COG6: variants seen among roughly 807,000 people sequenced by gnomAD.
The protein encoded by COG6 is conserved oligomeric Golgi complex subunit 6.
In COG6, 74 loss-of-function variants were observed where a neutral mutation model predicts 88.8. That is an observed-to-expected ratio of 0.83 (90% CI 0.69 to 1.01). The LOEUF (loss-of-function observed/expected upper bound fraction) is 1.01, where lower values mean the gene tolerates loss of function less well. Ranked by LOEUF, COG6 falls within the 50% of genes least tolerant of loss-of-function variation. COG6 has a pLI of 0.00. For missense variants in COG6, 800 were observed against 797.9 expected, an observed-to-expected ratio of 1.00 and a Z score of -0.03; for synonymous variants, 286 against 278.7, an observed-to-expected ratio of 1.03 and a Z score of -0.26.
rs1398907999 is a variant in COG6 at position 39,752,219 on chromosome 13, G to A, written c.*1126G>A. The stretch of plus-strand genomic sequence containing the variant: ...CTAAATTACAAATGAGAAAATTGAA[G>A]CACAAGGAAAAAAATAACTAGTTTG... On this transcript the variant is annotated 3_prime_UTR_variant, in exon 19 of 19. Transcript: ENST00000455146. 3 of 1,067,206 alleles carry A rather than the reference G, an allele frequency of 2.8e-6. No individual in the cohort carries two copies. Among genetic ancestry groups the A allele is most frequent in the Admixed American group, 3.7e-5 (1 of 26,680 alleles). The allele number at this position is 1,067,206 out of a possible 1,614,324, so 66.1% of individuals were successfully genotyped here. A position where few individuals can be genotyped will look rare whatever the true frequency, so the allele number is the denominator to read the frequency against.
intron 11 of COG6, among the ~76,000 whole-genome samples, chr13:39,690,691 T>C (rs1202959464): frequency 2.0e-5 from 3 of 151,962 alleles, no homozygotes; most frequent in Non-Finnish European, 2.9e-5. Context: ...GGTATATGCT[T>C]CAGGCAAGGA....
At chr13:39,777,272 G>C (rs546650901) in intron 18 of COG6, among the ~76,000 whole-genome samples, 6 of 152,230 alleles carry the variant, frequency 3.9e-5, no homozygotes, top group South Asian at 2.1e-4. Flanking sequence ...GAGCACAGAG[G>C]GGGGTGTCCA....
chr13:39,753,360 C>T (rs1487175223), downstream of COG6, among the ~76,000 whole-genome samples: 1 of 152,156 alleles, frequency 6.6e-6, no homozygotes, highest in Non-Finnish European at 1.5e-5. Flanking sequence ...TTCGAGCCTC[C>T]AGAACTGGGA....
intron 4 of COG6, among the ~76,000 whole-genome samples, chr13:39,671,388 C>A (rs541322511): frequency 6.6e-6 from 1 of 151,538 alleles, no homozygotes; most frequent in Admixed American, 6.6e-5. Context: ...CCCACCAATA[C>A]AAAAGAGCTT....
chr13:39,695,790 A>G (rs1033498755), intron 12 of COG6, among the ~76,000 whole-genome samples: 1 of 151,962 alleles, frequency 6.6e-6, no homozygotes, highest in Admixed American at 6.6e-5. Context: ...TATTTTAGAT[A>G]TAAACTTGTT....
chr13:39,781,047 C>A (rs761742403), intron 18 of COG6, among the ~76,000 whole-genome samples: 3 of 152,126 alleles, frequency 2.0e-5, no homozygotes, highest in Non-Finnish European at 4.4e-5. Context: ...TCTTTTTTCT[C>A]CAAGAGCCCC....
At chr13:39,767,395 T>C (rs1460685017) in intron 18 of COG6, among the ~76,000 whole-genome samples, 1 of 149,108 alleles carries the variant, frequency 6.7e-6, no homozygotes, top group Non-Finnish European at 1.5e-5. Flanking sequence ...TTTTAGGTTA[T>C]TGTCAGAAAT....
intron 18 of COG6, among the ~76,000 whole-genome samples, chr13:39,730,086 G>A (rs1879352084): frequency 6.6e-6 from 1 of 151,830 alleles, no homozygotes; most frequent in Non-Finnish European, 1.5e-5. Flanking sequence ...TGTAAACTTT[G>A]TTATTTTATT....
At chr13:39,758,993 C>A (rs974942729) in intron 18 of COG6, among the ~76,000 whole-genome samples, 1 of 152,054 alleles carries the variant, frequency 6.6e-6, no homozygotes. Context: ...TAATTTGATT[C>A]TATTTTAATG....
At chr13:39,732,709 G>A (rs1879518066) in intron 18 of COG6, among the ~76,000 whole-genome samples, 1 of 151,788 alleles carries the variant, frequency 6.6e-6, no homozygotes, top group Admixed American at 6.6e-5. Context: ...AGCACAGATA[G>A]AAAAAAAATT....
chr13:39,757,824 C>T (rs1880887455), intron 18 of COG6, among the ~76,000 whole-genome samples: 1 of 152,196 alleles, frequency 6.6e-6, no homozygotes, highest in Non-Finnish European at 1.5e-5. Context: ...GGTGAATTCA[C>T]TGGTGGTTTC....
chr13:39,706,559 A>G (rs1877935507), intron 13 of COG6, among the ~76,000 whole-genome samples: 1 of 152,044 alleles, frequency 6.6e-6, no homozygotes, highest in Non-Finnish European at 1.5e-5. Context: ...GAAGGGATAA[A>G]AAGTAAATAG....
chr13:39,723,368 A>G lies in COG6; in HGVS notation c.1620A>G (p.Gln540=). 3.1e-6 allele frequency: 5 copies of G among 1,611,406 alleles called. No homozygotes were observed. The highest frequency in any genetic ancestry group is 4.2e-6 in the Non-Finnish European group (5 of 1,177,788). ...ATTTGGACACACTTATAAATGAGCA[A>G]GCCTCTTATGTTTTAACTAGGGTAG... The part of the protein sequence containing the change: ...EAHLDTLINE[Q]ASYVLTRVGL... Residue 540 remains glutamine (Q), a synonymous_variant, in exon 16 of 19, where the codon CAA becomes CAG. Coordinates refer to ENST00000455146, the MANE Select transcript of COG6 (RefSeq NM_020751.3).
At position 39,687,543 on chromosome 13, in the gene COG6, G is replaced by C; in HGVS notation, c.829G>C (p.Val277Leu). The change falls in exon 9 of 19, where the codon GTT (valine) becomes CTT (leucine). Residue 277 changes from valine to leucine, a missense_variant. Physicochemically the swap from Val to Leu is conservative, Grantham distance 32 (BLOSUM62 1). Coordinates refer to ENST00000455146, the MANE Select transcript of COG6 (RefSeq NM_020751.3). Reference sequence around the variant, plus strand: ...ATTTGGAACAGCCAGAAGAAGTACAGTTGTTCGTGGATTTATTGATGCGCT... The same window carrying C: ...ATTTGGAACAGCCAGAAGAAGTACACTTGTTCGTGGATTTATTGATGCGCT... ...DEFGTARRST[V>L]VRGFIDALTR... 6.2e-7 allele frequency: 1 copy of C among 1,613,308 alleles called. No individual in the cohort carries two copies. Among genetic ancestry groups the C allele is most frequent in the Non-Finnish European group, 8.5e-7 (1 of 1,179,502 alleles).
chr13:39,679,418 T>C, intron 5 of COG6, 120 bp from the exon 6 acceptor site: 1 of 715,326 alleles, frequency 1.4e-6, no homozygotes, highest in South Asian at 1.5e-5. Flanking sequence ...GAGATCAGTA[T>C]AGGAAGGCTT....
intron 13 of COG6, among the ~76,000 whole-genome samples, chr13:39,713,205 A>T (rs1182301056): frequency 6.6e-6 from 1 of 152,210 alleles, no homozygotes; most frequent in Non-Finnish European, 1.5e-5. Flanking sequence ...CTTAAAGCTT[A>T]TAGGAATTTC....
chr13:39,759,036 T>A (rs1880932710), intron 18 of COG6, among the ~76,000 whole-genome samples: 1 of 152,122 alleles, frequency 6.6e-6, no homozygotes, highest in East Asian at 1.9e-4. Context: ...CACAGAGACA[T>A]ATAAGTAGAT....
chr13:39,773,767 T>A (rs1045953534), intron 18 of COG6, among the ~76,000 whole-genome samples: 1 of 152,166 alleles, frequency 6.6e-6, no homozygotes, highest in East Asian at 1.9e-4. Context: ...GTCAATGCAT[T>A]CCTTAGAATA....
At position 39,661,364 on chromosome 13, in the gene COG6, C is replaced by T. The variant is rs186079860; in HGVS notation, c.369+483C>T. The stretch of plus-strand genomic sequence containing the variant: ...AGAATCAGCATTTGACTTAATTAAC[C>T]TCATTCATCTAATTTTGGAATAGTA... On this transcript the variant is annotated intron_variant, in intron 3 of 18. Coordinates refer to ENST00000455146, the MANE Select transcript of COG6 (RefSeq NM_020751.3). 5.3e-5 allele frequency among the ~76,000 whole-genome samples: 8 copies of T among 152,250 alleles called. No individual in the cohort carries two copies. The East Asian group carries it at 1.2e-3, about 22-fold the overall frequency.
Sources: allele counts gnomAD v4.1 joint callset (sites outside exome capture counted in the v4.1 genomes callset), GRCh38; gene constraint gnomAD v4.1.1; transcripts MANE v1.5; gene names NCBI Gene and HGNC (gene_info 2026-07-23, HGNC 2026-07-21).